ACTR6: variants seen among roughly 807,000 people sequenced by gnomAD.
ACTR6 encodes the protein actin-related protein 6.
In ACTR6, 50 loss-of-function variants were observed where a neutral mutation model predicts 52.5. The observed-to-expected ratio is 0.95, with a 90% CI of 0.76 to 1.20. The LOEUF is 1.20. Ranked by LOEUF, ACTR6 falls within the 50% of genes most tolerant of loss-of-function variation. ACTR6 has a pLI of 0.00. For missense variants in ACTR6, 344 were observed against 472.4 expected (o/e 0.73, Z 2.52); for synonymous variants, 135 against 147.2 (o/e 0.92, Z 0.60).
intron 4 of ACTR6, among the ~76,000 whole-genome samples, chr12:100,209,185 T>G (rs923636753): frequency 6.6e-6 from 1 of 152,236 alleles, no homozygotes; most frequent in Admixed American, 6.5e-5. Context: ...AGTATTTAAA[T>G]ATTTAACTTT....
intron 1 of ACTR6, among the ~76,000 whole-genome samples, chr12:100,203,286 T>C (rs1470614145): frequency 6.6e-6 from 1 of 152,144 alleles, no homozygotes; most frequent in Non-Finnish European, 1.5e-5. Flanking sequence ...TTGAAGATCT[T>C]TGGCTTCATG....
chr12:100,212,232 T>C (rs772709909), intron 6 of ACTR6, 24 bp from the exon 7 acceptor site: 1 of 1,483,762 alleles, frequency 6.7e-7, no homozygotes, highest in Non-Finnish European at 9.1e-7. Context: ...TTGCTTCAAA[T>C]TTTACAACTT....
chr12:100,204,640 C>T (rs1253986106), intron 1 of ACTR6, among the ~76,000 whole-genome samples: 2 of 152,098 alleles, frequency 1.3e-5, no homozygotes, highest in Non-Finnish European at 2.9e-5. Context: ...GCTGGGATTA[C>T]AGGCGTGAGC....
At position 100,200,839 on chromosome 12, in the gene ACTR6, G is replaced by C; in HGVS notation, c.-13G>C. On this transcript the variant is annotated 5_prime_UTR_variant, in exon 1 of 11. Transcript: ENST00000188312. ...GGGAAAACAACTACGGCTGCGGTGT[G>C]GTTGGTGGTGAGATGACGACCTTAG... is the stretch of plus-strand genomic sequence containing the variant. 6.2e-7 allele frequency: 1 copy of C among 1,613,928 alleles called. No individual in the cohort carries two copies. The highest frequency in any genetic ancestry group is 8.5e-7 in the Non-Finnish European group (1 of 1,179,828).
intron 10 of ACTR6, among the ~76,000 whole-genome samples, chr12:100,222,562 T>C (rs1185798719): frequency 6.6e-6 from 1 of 151,854 alleles, no homozygotes; most frequent in Non-Finnish European, 1.5e-5. Context: ...CCGACCTTTG[T>C]TTTAATAGAG....
At chr12:100,201,174 T>G in intron 1 of ACTR6, 1 of 926,802 alleles carries the variant, frequency 1.1e-6, no homozygotes, top group Non-Finnish European at 1.5e-6. Context: ...CCAAAGAAAA[T>G]AGGCTTATAG....
At chr12:100,209,567 A>T (rs927780121) in intron 4 of ACTR6, among the ~76,000 whole-genome samples, 3 of 152,196 alleles carry the variant, frequency 2.0e-5, no homozygotes, top group Non-Finnish European at 4.4e-5. Context: ...CCTCTACAAC[A>T]AGGAGTTATC....
chr12:100,223,995 C>T lies in ACTR6; in HGVS notation c.*80C>T. On this transcript the variant is annotated 3_prime_UTR_variant, in exon 11 of 11. Coordinates refer to ENST00000188312, the MANE Select transcript of ACTR6 (RefSeq NM_022496.5). ...TAAAAGAGGTTAAGGAACTGTGTTA[C>T]CTTTTGTCCTAAGAAAAAGGCTTGA... 1 of 1,461,658 alleles carries T rather than the reference C, an allele frequency of 6.8e-7. No homozygotes were observed. Among genetic ancestry groups the T allele is most frequent in the Non-Finnish European group, 9.1e-7 (1 of 1,097,830 alleles). The allele number at this position is 1,461,658 out of a possible 1,614,324, so 90.5% of individuals were successfully genotyped here.
rs569458283 is a variant in ACTR6 at position 100,218,111 on chromosome 12, A to T, written c.751-304A>T. Among the ~76,000 whole-genome samples, 23 of 152,066 alleles carry T rather than the reference A, an allele frequency of 1.5e-4. No individual in the cohort carries two copies. Among genetic ancestry groups the T allele is most frequent in the Non-Finnish European group, 2.8e-4 (19 of 68,014 alleles). Reference sequence around the variant, plus strand: ...CGCCTTGACCTCCCAAAGTGCTGGGATTACAGGTGTGAGCCAGGGCACCTG... The same window carrying T: ...CGCCTTGACCTCCCAAAGTGCTGGGTTTACAGGTGTGAGCCAGGGCACCTG... On this transcript the variant is annotated intron_variant, in intron 8 of 10. Coordinates refer to ENST00000188312, the MANE Select transcript of ACTR6 (RefSeq NM_022496.5). The surrounding 1 kb of genome is among the most constrained non-coding windows in gnomAD (Gnocchi z 4.2).
chr12:100,200,954 T>C (rs1401253139), intron 1 of ACTR6, 35 bp downstream of exon 1: 2 of 1,613,784 alleles, frequency 1.2e-6, no homozygotes, highest in Non-Finnish European at 1.7e-6. Flanking sequence ...ACAAGATATA[T>C]ACGCCTAGTG....
chr12:100,210,077 G>A lies in ACTR6; in HGVS notation c.384G>A (p.Gly128=). ...TTTTTATCTTTTTTTAAATAGCTGG[G>A]GCTCTCAGTGCACATAGGTATTTCC... ...QFQAVLRVNA[G]ALSAHRYFRD... The change falls in exon 5 of 11, where the codon GGG becomes GGA. Residue 128 remains glycine, a synonymous_variant. Transcript: ENST00000188312. 6.4e-7 allele frequency: 1 copy of A among 1,569,492 alleles called. No homozygotes were observed. The highest frequency in any genetic ancestry group is 1.2e-5 in the South Asian group (1 of 82,578).
Position 100,201,049 on chromosome 12 carries a change from G to A in ACTR6, c.68+130G>A, listed in dbSNP as rs1294103867. The A allele has an allele frequency of 4.5e-6, 7 of 1,543,470 alleles. No homozygotes were observed. The Admixed American group carries it at 1.4e-4, about 30-fold the overall frequency. On this transcript the variant is annotated intron_variant, in intron 1 of 10. Coordinates refer to ENST00000188312, the MANE Select transcript of ACTR6 (RefSeq NM_022496.5). ...CCTGACTTAGCCAGAGGGATTCCCTGGTTGGAGCTGGGTGGGTGATTGTGA... is the reference window on the plus strand; with the variant it reads ...CCTGACTTAGCCAGAGGGATTCCCTAGTTGGAGCTGGGTGGGTGATTGTGA...
At chr12:100,208,322 C>T (rs2096116760) in intron 4 of ACTR6, among the ~76,000 whole-genome samples, 1 of 151,390 alleles carries the variant, frequency 6.6e-6, no homozygotes. Flanking sequence ...GTCTTGTTGC[C>T]CAGGTTGGCA....
intron 1 of ACTR6, among the ~76,000 whole-genome samples, chr12:100,201,660 TATC>T (rs1194002537): frequency 6.6e-6 from 1 of 152,228 alleles, no homozygotes; most frequent in Non-Finnish European, 1.5e-5. Context: ...TGTGTATCAT[TATC>T]ATTGTCACCG....
intron 1 of ACTR6, among the ~76,000 whole-genome samples, chr12:100,202,196 G>T (rs1004431242): frequency 2.0e-5 from 3 of 152,090 alleles, no homozygotes; most frequent in African/African-American, 7.2e-5. Flanking sequence ...CTCCTAAAGT[G>T]CTGGGATTAC....
chr12:100,211,063 A>G (rs1015676243), intron 6 of ACTR6, among the ~76,000 whole-genome samples: 2 of 152,138 alleles, frequency 1.3e-5, no homozygotes, highest in African/African-American at 2.4e-5. Flanking sequence ...AGTGTTGCCC[A>G]TGCTGGTCTC....
chr12:100,207,664 T>C lies in ACTR6; in HGVS notation c.257T>C (p.Val86Ala). Reference protein sequence around the residue: ...DYLFGKEMYQVDFLDTNIIIT... With the variant: ...DYLFGKEMYQADFLDTNIIIT... Reference sequence around the variant, plus strand: ...ATTTTGGAATGTTTTCTCCTATAGGTTGATTTTTTAGATACTAATATTATT... The same window carrying C: ...ATTTTGGAATGTTTTCTCCTATAGGCTGATTTTTTAGATACTAATATTATT... Residue 86 changes from valine (V) to alanine (A), a missense_variant and splice_region_variant, in exon 4 of 11, where the codon GTT becomes GCT. Physicochemically the swap from Val to Ala is moderately conservative, Grantham distance 64. Transcript: ENST00000188312. 6.7e-7 allele frequency: 1 copy of C among 1,498,336 alleles called. No individual in the cohort carries two copies. Among genetic ancestry groups the C allele is most frequent in the South Asian group, 1.3e-5 (1 of 78,576 alleles). The allele number at this position is 1,498,336 out of a possible 1,614,324, so 92.8% of individuals were successfully genotyped here.
intron 4 of ACTR6, among the ~76,000 whole-genome samples, chr12:100,208,532 C>T (rs974490271): frequency 1.3e-5 from 2 of 152,190 alleles, no homozygotes; most frequent in Admixed American, 1.3e-4. Flanking sequence ...GCCTTGCCCT[C>T]CCAAAATGCT....
At chr12:100,210,461 G>A (rs2096118929) in intron 6 of ACTR6, 110 bp downstream of exon 6, 4 of 1,203,578 alleles carry the variant, frequency 3.3e-6, no homozygotes, top group Admixed American at 4.3e-5. Context: ...ACTCACGCCT[G>A]TAATCCCAGC....
Sources: allele counts gnomAD v4.1 joint callset (sites outside exome capture counted in the v4.1 genomes callset), GRCh38; gene constraint gnomAD v4.1.1; non-coding constraint Gnocchi (gnomAD v3.1); transcripts MANE v1.5; gene names NCBI Gene and HGNC (gene_info 2026-07-23, HGNC 2026-07-21).